The following PLPPR4 variants were observed in gnomAD, a reference collection of about 807,000 sequenced individuals.
PLPPR4 encodes phospholipid phosphatase-related protein type 4.
PLPPR4 carries 24 observed loss-of-function variants against 56.6 expected under a neutral mutation model. That is an observed-to-expected ratio of 0.42 (90% CI 0.31 to 0.60). PLPPR4 has a LOEUF of 0.60. PLPPR4 is among the 20% of genes least tolerant of loss of function. The probability of loss-of-function intolerance (pLI) is 0.13; values close to 1 mark genes in which losing one functional copy is unlikely to be tolerated. For missense variants in PLPPR4, 654 were observed against 885.8 expected, an observed-to-expected ratio of 0.74 and a Z score of 3.32; for synonymous variants, 326 against 328.1, an observed-to-expected ratio of 0.99 and a Z score of 0.07.
rs574860416 is a variant in PLPPR4, at chr1:99,299,390, T to C, written c.590+160T>C. Among the ~76,000 whole-genome samples the C allele has an allele frequency of 3.3e-5, 5 of 152,208 alleles. No individual in the cohort carries two copies. In the East Asian group the frequency reaches 9.6e-4, roughly 29 times the overall value. On this transcript the variant is annotated intron_variant, in intron 4 of 6. Transcript: ENST00000370185. ...TCAATTACTAAACCATAGAAACTCA[T>C]TGGGGGCTTATTCCAAATTCTTCTC...
intron 2 of PLPPR4, among the ~76,000 whole-genome samples, chr1:99,295,841 G>A (rs911887889): frequency 2.0e-5 from 3 of 152,148 alleles, no homozygotes; most frequent in African/African-American, 7.2e-5. Flanking sequence ...CCCTCAGAGG[G>A]CCCTAGTCTA....
chr1:99,277,621 A>G (rs1659223908), intron 1 of PLPPR4, among the ~76,000 whole-genome samples: 1 of 152,042 alleles, frequency 6.6e-6, no homozygotes, highest in South Asian at 2.1e-4. Context: ...GCAAATTATC[A>G]ATGATTTTGC....
At chr1:99,270,420 C>A (rs779677274) in intron 1 of PLPPR4, among the ~76,000 whole-genome samples, 14 of 152,194 alleles carry the variant, frequency 9.2e-5, no homozygotes, top group Admixed American at 4.6e-4. Flanking sequence ...AGGTCAGTAA[C>A]TAAACAGTTT....
chr1:99,300,655 G>A (rs1659864685), intron 4 of PLPPR4, among the ~76,000 whole-genome samples: 1 of 152,044 alleles, frequency 6.6e-6, no homozygotes, highest in Non-Finnish European at 1.5e-5. Context: ...GTGATGTAAT[G>A]AAGTGGCCCC....
chr1:99,264,292 G>C, upstream of PLPPR4: 1 of 623,872 alleles, frequency 1.6e-6, no homozygotes, highest in Non-Finnish European at 2.7e-6. Context: ...ACAGGGAGGG[G>C]AAGCCATTGC....
chr1:99,269,997 TTGTGTGTGTGTGTGTGTG>T (rs10612152), intron 1 of PLPPR4, among the ~76,000 whole-genome samples: 8 of 134,560 alleles, frequency 5.9e-5, no homozygotes, highest in South Asian at 2.6e-4. Context: ...TTCATTCCTT[TTGTGTGTGTGTGTGTGTG>T]TGTGTGTGTG....
rs562934564 is a variant in PLPPR4 at position 99,295,897 on chromosome 1, G to C, written c.265-841G>C. 2.0e-5 allele frequency among the ~76,000 whole-genome samples: 3 copies of C among 152,298 alleles called. No homozygotes were observed. In the South Asian group the frequency reaches 6.2e-4, roughly 32 times the overall value. Reference sequence around the variant, plus strand: ...CAATTTCATAAAGCTATGCTAGAGGGAAGGATAAGATGCTAAGGGAGCCAC... The same window carrying C: ...CAATTTCATAAAGCTATGCTAGAGGCAAGGATAAGATGCTAAGGGAGCCAC... On this transcript the variant is annotated intron_variant, in intron 2 of 6. Coordinates refer to ENST00000370185, the MANE Select transcript of PLPPR4 (RefSeq NM_014839.5).
At chr1:99,290,234 A>T (rs1659581824) in intron 2 of PLPPR4, among the ~76,000 whole-genome samples, 1 of 152,144 alleles carries the variant, frequency 6.6e-6, no homozygotes, top group South Asian at 2.1e-4. Flanking sequence ...ACAGCTAACA[A>T]GAGAAGTGAA....
rs1660104289 is a variant in PLPPR4, at chr1:99,308,488, T to C, written c.*1478T>C. 6.6e-6 allele frequency: 1 copy of C among 152,638 alleles called. No individual in the cohort carries two copies. The highest frequency in any genetic ancestry group is 1.5e-5 in the Non-Finnish European group (1 of 68,034). The allele number at this position is 152,638 out of a possible 1,614,324, so 9.5% of individuals were successfully genotyped here. On this transcript the variant is annotated 3_prime_UTR_variant, in exon 7 of 7. Coordinates refer to ENST00000370185, the MANE Select transcript of PLPPR4 (RefSeq NM_014839.5). Reference sequence around the variant, plus strand: ...CTTAAAGTATGAAGACATACTCAGTTCTTGGAACTTAGTATTAAACCTTTT... The same window carrying C: ...CTTAAAGTATGAAGACATACTCAGTCCTTGGAACTTAGTATTAAACCTTTT...
chr1:99,304,152 A>G (rs1659956030), intron 6 of PLPPR4, among the ~76,000 whole-genome samples: 1 of 152,242 alleles, frequency 6.6e-6, no homozygotes, highest in African/African-American at 2.4e-5. Flanking sequence ...TTGGTCAACC[A>G]TGGACCCCAT....
intron 2 of PLPPR4, 59 bp downstream of exon 2, chr1:99,288,209 T>C: frequency 5.4e-6 from 8 of 1,489,348 alleles, no homozygotes; most frequent in Non-Finnish European, 7.4e-6. Context: ...ATCACCACAT[T>C]TGTATAATAA....
chr1:99,294,110 A>G (rs896505951), intron 2 of PLPPR4, among the ~76,000 whole-genome samples: 3 of 151,510 alleles, frequency 2.0e-5, no homozygotes, highest in Non-Finnish European at 4.4e-5. Flanking sequence ...AAAAAAAAAA[A>G]GGAGAAATAA....
rs768261078 is a variant in PLPPR4, at chr1:99,299,142, A to T, written c.502A>T (p.Thr168Ser). Reference protein sequence around the residue: ...YFLTVCKPNYTSLNVSCKENS... With the variant: ...YFLTVCKPNYSSLNVSCKENS... ...TCTGACTGTGTGCAAACCAAACTAT[A>T]CCTCTCTGAATGTATCTTGCAAAGA... The change falls in exon 4 of 7, where the codon ACC becomes TCC. Residue 168 changes from threonine (T) to serine (S), a missense_variant. Thr to Ser is a moderately conservative substitution (Grantham distance 58). Transcript: ENST00000370185. The T allele has an allele frequency of 8.7e-6, 14 of 1,613,170 alleles. No individual in the cohort carries two copies. Among genetic ancestry groups the T allele is most frequent in the Non-Finnish European group, 1.2e-5 (14 of 1,179,396 alleles).
At chr1:99,264,773 G>A in intron 1 of PLPPR4, 102 bp downstream of exon 1, 1 of 1,290,120 alleles carries the variant, frequency 7.8e-7, no homozygotes, top group Non-Finnish European at 1.1e-6. Context: ...CCTGCCGGGC[G>A]CGCGCGGCTG....
At chr1:99,282,884 A>C (rs1289862150) in intron 1 of PLPPR4, among the ~76,000 whole-genome samples, 1 of 150,808 alleles carries the variant, frequency 6.6e-6, no homozygotes, top group Non-Finnish European at 1.5e-5. Flanking sequence ...ACTTAATTAC[A>C]CAGCCCTCTT....
In PLPPR4 at chr1:99,305,976, G is replaced by T; in HGVS notation, c.1114G>T (p.Ala372Ser). The T allele has an allele frequency of 1.2e-6, 2 of 1,614,172 alleles. No individual in the cohort carries two copies. The highest frequency in any genetic ancestry group is 1.3e-5 in the African/African-American group (1 of 75,048). Residue 372 changes from alanine to serine, a missense_variant, in exon 7 of 7, where the codon GCC becomes TCC. By Grantham distance (99) the Ala-to-Ser change is moderately conservative. Around this residue, in one of 2 missense-constraint regions of PLPPR4, gnomAD observed 468 missense variants for 554.3 expected, o/e 0.84. Transcript: ENST00000370185. ...MVTFSNTLPR[A>S]NTPSVEDPVR... ...TACCTTCAGCAATACCTTGCCGCGA[G>T]CCAATACCCCATCTGTAGAAGACCC... is the stretch of plus-strand genomic sequence containing the variant.
chr1:99,288,653 C>CACACAT (rs1557778539), intron 2 of PLPPR4, among the ~76,000 whole-genome samples: 1 of 151,616 alleles, frequency 6.6e-6, no homozygotes, highest in Non-Finnish European at 1.5e-5. Context: ...TGCATGCATG[C>CACACAT]ACACATACAC....
At chr1:99,287,137 G>C (rs1202839889) in intron 1 of PLPPR4, among the ~76,000 whole-genome samples, 1 of 152,156 alleles carries the variant, frequency 6.6e-6, no homozygotes, top group African/African-American at 2.4e-5. Flanking sequence ...GAATATGTGT[G>C]TTTGGTTTTC....
At chr1:99,290,407 A>G (rs576657345) in intron 2 of PLPPR4, among the ~76,000 whole-genome samples, 1 of 152,316 alleles carries the variant, frequency 6.6e-6, no homozygotes, top group African/African-American at 2.4e-5. Flanking sequence ...CCATTGAACT[A>G]CCAATGATGT....
Sources: allele counts gnomAD v4.1 joint callset (sites outside exome capture counted in the v4.1 genomes callset), GRCh38; gene constraint gnomAD v4.1.1; regional missense constraint gnomAD v4.1.1; transcripts MANE v1.5; gene names NCBI Gene and HGNC (gene_info 2026-07-23, HGNC 2026-07-21).